The following TEC variants were observed in gnomAD, a reference collection of about 807,000 sequenced individuals.
TEC encodes the protein tyrosine-protein kinase Tec.
In TEC, 72 loss-of-function variants were observed where a neutral mutation model predicts 93.0. The ratio of observed to expected loss-of-function variants is 0.77; its 90% CI spans 0.64 to 0.94. TEC has a LOEUF of 0.94. TEC is among the 40% of genes least tolerant of loss of function. The pLI is 0.00. For missense variants in TEC, 630 were observed against 757.9 expected (o/e 0.83, Z 1.98); for synonymous variants, 249 against 247.7 (o/e 1.01, Z -0.05).
intron 1 of TEC, among the ~76,000 whole-genome samples, chr4:48,230,556 G>C (rs1238942283): frequency 2.0e-5 from 3 of 152,172 alleles, no homozygotes; most frequent in Non-Finnish European, 2.9e-5. Context: ...GTTCTTGCCT[G>C]CTTTTATTCA....
intron 1 of TEC, among the ~76,000 whole-genome samples, chr4:48,254,754 C>G (rs1024911726): frequency 2.0e-5 from 3 of 152,228 alleles, no homozygotes; most frequent in Admixed American, 6.5e-5. Flanking sequence ...ATGTTCCACT[C>G]ATGGCAAAAT....
At chr4:48,236,697 G>A (rs1723794875) in intron 1 of TEC, among the ~76,000 whole-genome samples, 1 of 152,160 alleles carries the variant, frequency 6.6e-6, no homozygotes, top group African/African-American at 2.4e-5. Flanking sequence ...CTAAAATTCT[G>A]AACATTTTAA....
chr4:48,140,296 C>A (rs7684953), intron 15 of TEC, among the ~76,000 whole-genome samples: 1 of 152,192 alleles, frequency 6.6e-6, no homozygotes, highest in African/African-American at 2.4e-5. Context: ...GCAGGCCAGA[C>A]GTGTCCCAGA....
chr4:48,265,376 T>TA (rs775639376), intron 1 of TEC, among the ~76,000 whole-genome samples: 1 of 148,978 alleles, frequency 6.7e-6, no homozygotes, highest in Non-Finnish European at 1.5e-5. Flanking sequence ...ATGAGATAGA[T>TA]ATATATATAT....
chr4:48,266,612 T>C (rs983549200), intron 1 of TEC, among the ~76,000 whole-genome samples: 3 of 152,148 alleles, frequency 2.0e-5, no homozygotes, highest in Admixed American at 1.3e-4. Flanking sequence ...CCAAGGCAAG[T>C]AGATCACCTG....
At position 48,269,169 on chromosome 4, in the gene TEC, A is replaced by T. The variant is rs1364564439; in HGVS notation, c.-46+583T>A. ...TGGGTGAGTCACGTGCAACTGCGGA[A>T]CATCTTGGCCGATACTGCCAAATTT... On this transcript the variant is annotated intron_variant, in intron 1 of 17. Transcript: ENST00000381501. Among the ~76,000 whole-genome samples, 4 of 152,194 alleles carry T rather than the reference A, an allele frequency of 2.6e-5. No homozygotes were observed. In the East Asian group the frequency reaches 7.7e-4, roughly 29 times the overall value.
chr4:48,149,891 T>A (rs926108963), intron 10 of TEC, among the ~76,000 whole-genome samples: 4 of 152,228 alleles, frequency 2.6e-5, no homozygotes, highest in Non-Finnish European at 5.9e-5. Flanking sequence ...ACTGAAAACA[T>A]ACTTGGCCCT....
intron 2 of TEC, among the ~76,000 whole-genome samples, chr4:48,202,177 C>T (rs1722546252): frequency 1.3e-5 from 2 of 151,978 alleles, no homozygotes; most frequent in African/African-American, 4.8e-5. Flanking sequence ...CAATTATCTT[C>T]AGTTTTTCAT....
At chr4:48,142,624 T>TAA (rs1719726475) in intron 14 of TEC, among the ~76,000 whole-genome samples, 1 of 152,214 alleles carries the variant, frequency 6.6e-6, no homozygotes, top group South Asian at 2.1e-4. Context: ...TTTAAGAAAA[T>TAA]AGTTTGATAG....
chr4:48,246,132 C>T (rs1381992851), intron 1 of TEC, among the ~76,000 whole-genome samples: 5 of 151,894 alleles, frequency 3.3e-5, no homozygotes, highest in Non-Finnish European at 2.9e-5. Context: ...ATTATTTTTA[C>T]GGATTTATCA....
At chr4:48,177,951 C>T (rs562499121) in intron 2 of TEC, among the ~76,000 whole-genome samples, 3 of 152,096 alleles carry the variant, frequency 2.0e-5, no homozygotes, top group African/African-American at 4.8e-5. Context: ...TGAGGCCTCC[C>T]GAGTCATTCA....
intron 2 of TEC, among the ~76,000 whole-genome samples, chr4:48,177,742 G>A (rs1277510139): frequency 3.9e-5 from 6 of 152,206 alleles, no homozygotes; most frequent in Non-Finnish European, 7.3e-5. Context: ...TGTGTTGAGG[G>A]CAGGACCTAG....
At chr4:48,226,143 T>A (rs1267038869) in intron 2 of TEC, among the ~76,000 whole-genome samples, 1 of 152,226 alleles carries the variant, frequency 6.6e-6, no homozygotes, top group Non-Finnish European at 1.5e-5. Context: ...AATATGTTTA[T>A]CTTCTTCAAA....
chr4:48,241,202 T>C (rs1723914856), intron 1 of TEC, among the ~76,000 whole-genome samples: 1 of 152,140 alleles, frequency 6.6e-6, no homozygotes, highest in Admixed American at 6.6e-5. Flanking sequence ...TAATATGTAG[T>C]GCTGCTGTTT....
intron 2 of TEC, among the ~76,000 whole-genome samples, chr4:48,194,683 T>A (rs377377808): frequency 6.6e-6 from 1 of 152,124 alleles, no homozygotes; most frequent in Admixed American, 6.6e-5. Context: ...GGAGAAGGAA[T>A]CACCATAATA....
chr4:48,179,366 AT>A (rs1721482263), intron 2 of TEC, among the ~76,000 whole-genome samples: 1 of 37,086 alleles, frequency 2.7e-5, no homozygotes, highest in Admixed American at 3.1e-4. Context: ...ATATATATAT[AT>A]ATATATATAT....
intron 1 of TEC, among the ~76,000 whole-genome samples, chr4:48,233,220 G>T (rs1723693996): frequency 6.6e-6 from 1 of 152,026 alleles, no homozygotes. Flanking sequence ...TGGACTAAGG[G>T]AAAAGTCTTG....
intron 2 of TEC, among the ~76,000 whole-genome samples, chr4:48,212,110 A>AAAAAATAT: frequency 1.7e-4 from 21 of 122,234 alleles, no homozygotes; most frequent in Admixed American, 3.0e-4. Context: ...AAAAAAAAAA[A>AAAAAATAT]ATATATATAT....
chr4:48,250,897 T>C (rs1170283827), intron 1 of TEC, among the ~76,000 whole-genome samples: 1 of 152,232 alleles, frequency 6.6e-6, no homozygotes, highest in East Asian at 1.9e-4. Flanking sequence ...AATTGTTGTA[T>C]GCTGCTGAAT....
Sources: gnomAD v4.1 joint callset for allele counts (sites outside exome capture counted in the v4.1 genomes callset) on GRCh38, gnomAD v4.1.1 for gene constraint, MANE v1.5 for transcripts, NCBI Gene and HGNC (gene_info 2026-07-23, HGNC 2026-07-21) for gene names.